RAPGEF4: variants seen among roughly 807,000 people sequenced by gnomAD.
RAPGEF4 encodes the protein Rap guanine nucleotide exchange factor 4.
A neutral mutation model predicts 147.9 loss-of-function variants in RAPGEF4; 66 were observed. That is an observed-to-expected ratio of 0.45 (90% CI 0.37 to 0.55). RAPGEF4 has a LOEUF of 0.55. RAPGEF4 is among the 20% of genes least tolerant of loss of function. The pLI is 0.00. For synonymous variants in RAPGEF4, 419 were observed against 442.7 expected (o/e 0.95, Z 0.67); for missense variants, 1,071 against 1,257.3 (o/e 0.85, Z 2.24).
At chr2:173,026,762 T>C (rs1236527849) in intron 24 of RAPGEF4, 65 bp downstream of exon 24, 2 of 1,583,016 alleles carry the variant, frequency 1.3e-6, no homozygotes, top group Non-Finnish European at 1.7e-6. Context: ...TGGCATTGCT[T>C]AGTTTGTAAG....
chr2:172,809,653 C>T (rs1174518557), intron 3 of RAPGEF4, among the ~76,000 whole-genome samples: 1 of 152,172 alleles, frequency 6.6e-6, no homozygotes, highest in Non-Finnish European at 1.5e-5. Context: ...GCCTCACCCT[C>T]TTGAGTAGCT....
chr2:173,037,678 G>A (rs925883154), intron 29 of RAPGEF4, among the ~76,000 whole-genome samples: 12 of 151,998 alleles, frequency 7.9e-5, no homozygotes, highest in African/African-American at 2.2e-4. Flanking sequence ...GCATTTGCCC[G>A]GTCATGAATT....
At chr2:173,031,738 G>T (rs569933512) in intron 26 of RAPGEF4, among the ~76,000 whole-genome samples, 20 of 152,190 alleles carry the variant, frequency 1.3e-4, no homozygotes, top group Non-Finnish European at 1.6e-4. Flanking sequence ...CTAGGGATGG[G>T]AGTTCTGTGA....
chr2:172,760,590 T>C (rs1574732585), intron 1 of RAPGEF4, among the ~76,000 whole-genome samples: 1 of 151,800 alleles, frequency 6.6e-6, no homozygotes, highest in East Asian at 1.9e-4. Context: ...TGGTGGCGGG[T>C]GCCTGTAGTC....
rs1229550791 is a variant in RAPGEF4 at position 172,955,554 on chromosome 2, C to T, written c.538-5206C>T. Among the ~76,000 whole-genome samples the T allele has an allele frequency of 2.6e-5, 4 of 152,284 alleles. No homozygotes were observed. The East Asian group carries it at 5.8e-4, about 22-fold the overall frequency. The stretch of plus-strand genomic sequence containing the variant: ...ACATTGTCACAGCCCCATTTGGATT[C>T]TTTCATGCTCAGGTAGGGAGGAAGA... On this transcript the variant is annotated intron_variant, in intron 6 of 30. Transcript: ENST00000397081.
chr2:172,941,759 T>C (rs908291455), intron 6 of RAPGEF4, among the ~76,000 whole-genome samples: 1 of 152,126 alleles, frequency 6.6e-6, no homozygotes, highest in African/African-American at 2.4e-5. Context: ...ACTTCTTAGC[T>C]ATGTGGGCTT....
intron 4 of RAPGEF4, among the ~76,000 whole-genome samples, chr2:172,895,132 G>A (rs1698341303): frequency 6.6e-6 from 1 of 152,076 alleles, no homozygotes; most frequent in African/African-American, 2.4e-5. Context: ...CAGCCACTTC[G>A]CTTTCATGTT....
At chr2:172,978,041 T>A (rs1691272191) in intron 10 of RAPGEF4, among the ~76,000 whole-genome samples, 1 of 152,240 alleles carries the variant, frequency 6.6e-6, no homozygotes, top group African/African-American at 2.4e-5. Context: ...TTTTAGGCTT[T>A]GTTCCCTTTA....
chr2:172,973,216 G>A (rs549131951), intron 10 of RAPGEF4, among the ~76,000 whole-genome samples: 11 of 151,392 alleles, frequency 7.3e-5, no homozygotes, highest in Admixed American at 3.9e-4. Context: ...GAGCTCAAGT[G>A]GTGCTCCCAC....
chr2:172,921,219 G>C (rs193263101), intron 5 of RAPGEF4, among the ~76,000 whole-genome samples: 1 of 151,580 alleles, frequency 6.6e-6, no homozygotes, highest in African/African-American at 2.4e-5. Flanking sequence ...TGGTTCAGGC[G>C]GTCCTCCCAA....
At chr2:172,903,368 C>CAAA (rs10712221) in intron 4 of RAPGEF4, among the ~76,000 whole-genome samples, 6 of 82,640 alleles carry the variant, frequency 7.3e-5, no homozygotes, top group African/African-American at 1.1e-4. Flanking sequence ...GACTCCATCT[C>CAAA]AAAAAAAAAA....
In RAPGEF4 at chr2:173,001,363, T is replaced by G. The variant is rs762602156; in HGVS notation, c.1658+19T>G. Reference sequence around the variant, plus strand: ...TGGCCCAATATCCTTTTATTGTGATTGTAAGTCCCTATTCCCTCGAAGACA... The same window carrying G: ...TGGCCCAATATCCTTTTATTGTGATGGTAAGTCCCTATTCCCTCGAAGACA... On this transcript the variant is annotated intron_variant, in intron 17 of 30. Transcript: ENST00000397081. 4 of 1,613,500 alleles carry G rather than the reference T, an allele frequency of 2.5e-6. No individual in the cohort carries two copies. The South Asian group carries it at 3.3e-5, about 13-fold the overall frequency.
chr2:173,041,187 A>T (rs1035640726), intron 29 of RAPGEF4, among the ~76,000 whole-genome samples: 1 of 152,176 alleles, frequency 6.6e-6, no homozygotes, highest in Admixed American at 6.5e-5. Context: ...ATTAGCAACA[A>T]TATGTTTTCT....
intron 3 of RAPGEF4, among the ~76,000 whole-genome samples, chr2:172,812,379 G>T (rs1052741382): frequency 6.6e-6 from 1 of 152,138 alleles, no homozygotes; most frequent in South Asian, 2.1e-4. Flanking sequence ...CAGCACTACC[G>T]TGATGAAATT....
chr2:172,831,288 G>C (rs1690308343), intron 4 of RAPGEF4, among the ~76,000 whole-genome samples: 1 of 6,782 alleles, frequency 1.5e-4, no homozygotes, highest in African/African-American at 3.9e-4. Context: ...TTTTTTTTGA[G>C]ACAGAGTTTT....
intron 1 of RAPGEF4, among the ~76,000 whole-genome samples, chr2:172,790,300 A>T (rs562071582): frequency 1.3e-5 from 2 of 152,232 alleles, no homozygotes; most frequent in Non-Finnish European, 2.9e-5. Flanking sequence ...TTAGATATTA[A>T]TTTTTTTAAA....
At chr2:172,820,041 G>A (rs533099689) in intron 4 of RAPGEF4, among the ~76,000 whole-genome samples, 1 of 152,312 alleles carries the variant, frequency 6.6e-6, no homozygotes, top group East Asian at 1.9e-4. Flanking sequence ...GAACAAAACA[G>A]TGAAGGTTTT....
chr2:172,936,188 G>C (rs1686541662), intron 6 of RAPGEF4, among the ~76,000 whole-genome samples: 1 of 152,184 alleles, frequency 6.6e-6, no homozygotes, highest in African/African-American at 2.4e-5. Context: ...GGGCAACACA[G>C]TGAAATCTGT....
At chr2:172,922,840 A>G (rs1009197311) in intron 6 of RAPGEF4, among the ~76,000 whole-genome samples, 2 of 152,250 alleles carry the variant, frequency 1.3e-5, no homozygotes, top group Non-Finnish European at 2.9e-5. Context: ...AATAGCAAGC[A>G]TTCCAAGAGT....
Sources: gnomAD v4.1 joint callset for allele counts (sites outside exome capture counted in the v4.1 genomes callset) on GRCh38, gnomAD v4.1.1 for gene constraint, MANE v1.5 for transcripts, NCBI Gene and HGNC (gene_info 2026-07-23, HGNC 2026-07-21) for gene names.